SCARA5: variants seen among roughly 807,000 people sequenced by gnomAD.
The protein encoded by SCARA5 is scavenger receptor class A, member 5 (putative).
Under a neutral mutation model 46.3 loss-of-function variants are expected in SCARA5, and 45 were observed. The observed-to-expected ratio is 0.97, with a 90% CI of 0.76 to 1.24. SCARA5 has a LOEUF of 1.24. Ranked by LOEUF, SCARA5 falls within the 50% of genes most tolerant of loss-of-function variation. The pLI is 0.00. For missense variants in SCARA5, 680 were observed against 689.0 expected, an observed-to-expected ratio of 0.99 and a Z score of 0.15; for synonymous variants, 333 against 306.5, an observed-to-expected ratio of 1.09 and a Z score of -0.90.
At chr8:27,875,066 G>C (rs1215054550) in intron 8 of SCARA5, among the ~76,000 whole-genome samples, 3 of 152,184 alleles carry the variant, frequency 2.0e-5, no homozygotes, top group Non-Finnish European at 4.4e-5. Context: ...AGAGCTGTCA[G>C]GGCTTGGAGA....
chr8:27,906,547 T>C (rs1366595587), intron 6 of SCARA5, among the ~76,000 whole-genome samples: 2 of 152,242 alleles, frequency 1.3e-5, no homozygotes, highest in Non-Finnish European at 2.9e-5. Context: ...TGCAGGCCCC[T>C]TGTTGGCTTT....
At chr8:27,965,494 G>C (rs575032093) in intron 3 of SCARA5, among the ~76,000 whole-genome samples, 32 of 151,716 alleles carry the variant, frequency 2.1e-4, no homozygotes, top group Non-Finnish European at 3.8e-4. Flanking sequence ...CACAGTGCCC[G>C]CTGCATTCTG....
chr8:27,980,604 C>G (rs1462839581), intron 2 of SCARA5, among the ~76,000 whole-genome samples: 2 of 152,180 alleles, frequency 1.3e-5, no homozygotes, highest in South Asian at 2.1e-4. Flanking sequence ...CTCTGTACCC[C>G]CTCCCTCCTC....
chr8:27,976,815 G>A (rs1585523930), intron 2 of SCARA5, among the ~76,000 whole-genome samples: 1 of 152,300 alleles, frequency 6.6e-6, no homozygotes, highest in East Asian at 1.9e-4. Flanking sequence ...GGGGCAAAGA[G>A]GATGGGGATG....
chr8:27,888,166 C>T (rs1042987311), intron 7 of SCARA5, among the ~76,000 whole-genome samples: 1 of 152,162 alleles, frequency 6.6e-6, no homozygotes, highest in East Asian at 1.9e-4. Context: ...AAGCCATTCT[C>T]TCCCGCCTCA....
At chr8:27,947,122 C>G (rs1477665468) in intron 3 of SCARA5, among the ~76,000 whole-genome samples, 1 of 151,964 alleles carries the variant, frequency 6.6e-6, no homozygotes, top group African/African-American at 2.4e-5. Context: ...AGTGATTCTC[C>G]TACTTCAGTC....
intron 7 of SCARA5, among the ~76,000 whole-genome samples, chr8:27,894,857 C>T (rs751077850): frequency 3.3e-5 from 5 of 152,178 alleles, no homozygotes; most frequent in African/African-American, 1.2e-4. Context: ...AGAGCCTGCA[C>T]GTTCCAGTGC....
chr8:27,982,388 T>A (rs1229997162), intron 2 of SCARA5, among the ~76,000 whole-genome samples: 1 of 47,940 alleles, frequency 2.1e-5, no homozygotes. Context: ...GGGGGTGGGG[T>A]GGGGGGCGGG....
At chr8:27,953,464 T>C (rs536259311) in intron 3 of SCARA5, among the ~76,000 whole-genome samples, 1 of 152,338 alleles carries the variant, frequency 6.6e-6, no homozygotes, top group East Asian at 1.9e-4. Flanking sequence ...TAAACAATGA[T>C]GGTAACTCCA....
intron 3 of SCARA5, among the ~76,000 whole-genome samples, chr8:27,957,899 G>T (rs1808230023): frequency 6.6e-6 from 1 of 152,222 alleles, no homozygotes; most frequent in Admixed American, 6.5e-5. Flanking sequence ...TTCTTGTGAA[G>T]GGCCAGGTAG....
intron 3 of SCARA5, among the ~76,000 whole-genome samples, chr8:27,945,936 G>A (rs1341890679): frequency 6.6e-6 from 1 of 152,250 alleles, no homozygotes; most frequent in Non-Finnish European, 1.5e-5. Context: ...GTGAACGCTA[G>A]TGTGTTTAAA....
intron 2 of SCARA5, among the ~76,000 whole-genome samples, chr8:27,973,711 T>C (rs1808480062): frequency 1.3e-5 from 2 of 152,140 alleles, no homozygotes; most frequent in Admixed American, 1.3e-4. Flanking sequence ...CACAGATCCA[T>C]GGCACGGAGG....
intron 3 of SCARA5, among the ~76,000 whole-genome samples, chr8:27,958,158 C>A (rs1368745438): frequency 2.0e-5 from 3 of 152,210 alleles, no homozygotes; most frequent in African/African-American, 7.2e-5. Context: ...ACAGGGAGTA[C>A]TTGTCAGATT....
chr8:27,918,652 A>G (rs1380495799), intron 4 of SCARA5, among the ~76,000 whole-genome samples: 1 of 764 alleles, frequency 1.3e-3, no homozygotes, highest in East Asian at 0.045. Context: ...AGGAGGAGGA[A>G]AAGGAAGATG....
At chr8:27,879,193 G>A (rs1806769982) in intron 8 of SCARA5, among the ~76,000 whole-genome samples, 1 of 152,148 alleles carries the variant, frequency 6.6e-6, no homozygotes, top group Non-Finnish European at 1.5e-5. Context: ...GGCACACTGA[G>A]TATCATATAA....
chr8:27,871,974 CCA>C lies in SCARA5; in HGVS notation c.1446_1447del (p.Cys482TrpfsTer72), dbSNP rs1334839778. 1 of 1,614,216 alleles carries C rather than the reference CCA, an allele frequency of 6.2e-7. No homozygotes were observed. Among genetic ancestry groups the C allele is most frequent in the Non-Finnish European group, 8.5e-7 (1 of 1,180,050 alleles). On this transcript the variant is annotated frameshift_variant, in exon 9 of 9. Transcript: ENST00000354914. LOFTEE classifies it high-confidence loss of function. ...TGTCACGCTGGCATCTTCGGCATGT[CCA>C]CAGTTTGTCACCCCCCATTTGGAGA...
chr8:27,966,498 C>G lies in SCARA5; in HGVS notation c.157G>C (p.Gly53Arg). The change falls in exon 3 of 9, where the codon GGG becomes CGG. Residue 53 changes from glycine (G) to arginine (R), a missense_variant. This residue lies in a region of SCARA5 where 438 missense variants were observed against 384.5 expected (regional missense o/e 1.14). Coordinates refer to ENST00000354914, the MANE Select transcript of SCARA5 (RefSeq NM_173833.6). ...GCATGCTTCAGGGCCGACAGGGACC[C>G]CAGCTGGGTACAGCAGATGCTTGCC... ...RRASICCTQL[G>R]SLSALKHAVL... 1 of 1,613,912 alleles carries G rather than the reference C, an allele frequency of 6.2e-7. No individual in the cohort carries two copies. Among genetic ancestry groups the G allele is most frequent in the African/African-American group, 1.3e-5 (1 of 75,022 alleles).
intron 2 of SCARA5, among the ~76,000 whole-genome samples, chr8:27,967,737 A>T (rs1443833250): frequency 6.6e-6 from 1 of 152,066 alleles, no homozygotes; most frequent in Non-Finnish European, 1.5e-5. Context: ...ATATGGTGAA[A>T]CCCTGTCTCT....
At chr8:27,970,986 T>C (rs1357745153) in intron 2 of SCARA5, among the ~76,000 whole-genome samples, 3 of 152,214 alleles carry the variant, frequency 2.0e-5, no homozygotes, top group African/African-American at 4.8e-5. Flanking sequence ...AATAGATAAC[T>C]AACACACTTA....
Sources: gnomAD v4.1 joint callset for allele counts (sites outside exome capture counted in the v4.1 genomes callset) on GRCh38, gnomAD v4.1.1 for gene constraint, gnomAD v4.1.1 regional missense constraint, MANE v1.5 for transcripts, NCBI Gene and HGNC (gene_info 2026-07-23, HGNC 2026-07-21) for gene names.